Variants in PPP3CA observed in about 807,000 individuals in gnomAD.
PPP3CA encodes the protein CAM-PRP catalytic subunit.
In PPP3CA, 14 loss-of-function variants were observed where a neutral mutation model predicts 66.5. The observed-to-expected ratio is 0.21, with a 90% CI of 0.14 to 0.33. PPP3CA has a LOEUF of 0.33. Ranked by LOEUF, PPP3CA falls within the 10% of genes least tolerant of loss-of-function variation. The pLI is 1.00. For missense variants in PPP3CA, 317 were observed against 639.5 expected (o/e 0.50, Z 5.44); for synonymous variants, 232 against 226.2 (o/e 1.03, Z -0.23).
At chr4:101,285,196 T>C (rs1042174913) in intron 1 of PPP3CA, among the ~76,000 whole-genome samples, 2 of 152,134 alleles carry the variant, frequency 1.3e-5, no homozygotes, top group African/African-American at 2.4e-5. Context: ...CAGGTAAATA[T>C]AGAATTCAAA....
At chr4:101,050,294 C>T (rs1358312) in intron 10 of PPP3CA, among the ~76,000 whole-genome samples, 28,447 of 152,046 alleles carry the variant, frequency 0.19, 2,877 homozygotes, top group Middle Eastern at 0.31. Context: ...GTGAGGTGCT[C>T]TGGTCCTACT....
intron 1 of PPP3CA, among the ~76,000 whole-genome samples, chr4:101,269,833 G>A (rs987857404): frequency 6.6e-6 from 1 of 152,072 alleles, no homozygotes; most frequent in Non-Finnish European, 1.5e-5. Context: ...CTACAGAAAT[G>A]CAACATCAGT....
At chr4:101,313,011 T>C (rs1728775474) in intron 1 of PPP3CA, among the ~76,000 whole-genome samples, 1 of 152,194 alleles carries the variant, frequency 6.6e-6, no homozygotes, top group Non-Finnish European at 1.5e-5. Context: ...TTATTTCTTC[T>C]TTCCTTCCCT....
At chr4:101,124,707 AAGAAAGAAAGAAAGAAAG>A (rs1722154785) in intron 2 of PPP3CA, among the ~76,000 whole-genome samples, 3 of 105,132 alleles carry the variant, frequency 2.9e-5, no homozygotes, top group East Asian at 2.7e-4. Flanking sequence ...GAAAGAAAGA[AAGAAAGAAAGAAAGAAAG>A]AGAAAGAAAG....
At chr4:101,058,780 T>C (rs1184405926) in intron 10 of PPP3CA, among the ~76,000 whole-genome samples, 3 of 152,176 alleles carry the variant, frequency 2.0e-5, no homozygotes, top group Non-Finnish European at 4.4e-5. Context: ...GTAATGTTGG[T>C]AACTGTGCAG....
chr4:101,106,385 GA>G (rs1368851419), intron 3 of PPP3CA, among the ~76,000 whole-genome samples: 1 of 3,650 alleles, frequency 2.7e-4, no homozygotes, highest in Non-Finnish European at 6.4e-4. Context: ...AAGAAAGAAA[GA>G]AAGAAAGAAA....
chr4:101,258,179 A>G (rs1726905030), intron 1 of PPP3CA, among the ~76,000 whole-genome samples: 1 of 152,160 alleles, frequency 6.6e-6, no homozygotes, highest in Non-Finnish European at 1.5e-5. Flanking sequence ...ATTATCATAA[A>G]CTTATTGATG....
chr4:101,286,321 C>T (rs1727846855), intron 1 of PPP3CA, among the ~76,000 whole-genome samples: 1 of 152,172 alleles, frequency 6.6e-6, no homozygotes, highest in Admixed American at 6.5e-5. Flanking sequence ...TATGCTAAAG[C>T]AAATAAATAT....
intron 2 of PPP3CA, among the ~76,000 whole-genome samples, chr4:101,184,149 A>G (rs545421645): frequency 1.3e-5 from 2 of 152,296 alleles, no homozygotes; most frequent in East Asian, 3.9e-4. Flanking sequence ...CAACTGAAAG[A>G]GAAAGAAATA....
chr4:101,033,328 A>T (rs1335906581), intron 11 of PPP3CA, among the ~76,000 whole-genome samples: 1 of 148,654 alleles, frequency 6.7e-6, no homozygotes, highest in Admixed American at 6.7e-5. Context: ...ACACACACAC[A>T]CAGGGAGAGA....
At chr4:101,339,222 T>C (rs1729731569) in intron 1 of PPP3CA, among the ~76,000 whole-genome samples, 1 of 152,122 alleles carries the variant, frequency 6.6e-6, no homozygotes, top group African/African-American at 2.4e-5. Flanking sequence ...AAAGAGGTTT[T>C]TTCCAATTTG....
chr4:101,179,255 T>C lies in PPP3CA; in HGVS notation c.259+16661A>G, dbSNP rs79729417. ...TTCCTAGAGTGCTAGTTAAAGAAAA[T>C]AGCTACAGAACTGAGCCTAGATTTC... On this transcript the variant is annotated intron_variant, in intron 2 of 13. Coordinates refer to ENST00000394854, the MANE Select transcript of PPP3CA (RefSeq NM_000944.5). Among the ~76,000 whole-genome samples the C allele has an allele frequency of 1.8e-3, 281 of 152,130 alleles. 4 individuals are homozygous for C. In the East Asian group the frequency reaches 0.035, roughly 19 times the overall value.
intron 13 of PPP3CA, among the ~76,000 whole-genome samples, chr4:101,028,732 A>AT (rs1355535220): frequency 6.6e-6 from 1 of 152,150 alleles, no homozygotes; most frequent in Non-Finnish European, 1.5e-5. Flanking sequence ...TTAAATGAAC[A>AT]TTTTTTTCCT....
intron 10 of PPP3CA, among the ~76,000 whole-genome samples, chr4:101,045,986 A>G (rs1727748061): frequency 6.6e-6 from 1 of 152,260 alleles, no homozygotes; most frequent in Non-Finnish European, 1.5e-5. Context: ...TATACTTGGA[A>G]GAAATTTGGT....
intron 1 of PPP3CA, among the ~76,000 whole-genome samples, chr4:101,301,351 T>A (rs1415779788): frequency 6.6e-6 from 1 of 150,560 alleles, no homozygotes; most frequent in African/African-American, 2.4e-5. Context: ...AAATCTGTGT[T>A]ATGAATCACC....
intron 2 of PPP3CA, among the ~76,000 whole-genome samples, chr4:101,150,823 T>A (rs1450680980): frequency 6.6e-6 from 1 of 152,152 alleles, no homozygotes; most frequent in African/African-American, 2.4e-5. Context: ...TTTCATCTAA[T>A]TTTTGGACTC....
chr4:101,037,293 A>C (rs2110208983), intron 11 of PPP3CA, among the ~76,000 whole-genome samples: 1 of 152,338 alleles, frequency 6.6e-6, no homozygotes, highest in East Asian at 1.9e-4. Context: ...ATTTGAAACA[A>C]AGCCTTGCTT....
intron 9 of PPP3CA, among the ~76,000 whole-genome samples, chr4:101,063,019 T>G (rs1394708740): frequency 6.6e-6 from 1 of 151,908 alleles, no homozygotes; most frequent in Non-Finnish European, 1.5e-5. Flanking sequence ...ATTCCTGTGT[T>G]TTGTTTTTTT....
chr4:101,215,926 T>G (rs1194193812), intron 1 of PPP3CA, among the ~76,000 whole-genome samples: 1 of 152,032 alleles, frequency 6.6e-6, no homozygotes. Flanking sequence ...TCACCAAAGC[T>G]CAACAAAAGC....
Sources: allele counts gnomAD v4.1 joint callset (sites outside exome capture counted in the v4.1 genomes callset), GRCh38; gene constraint gnomAD v4.1.1; transcripts MANE v1.5; gene names NCBI Gene and HGNC (gene_info 2026-07-23, HGNC 2026-07-21).